Variants in LIN7C observed in about 807,000 individuals in gnomAD.
LIN7C encodes the protein lin-7 cell polarity scaffold C, also known as protein lin-7 homolog C.
LIN7C carries 17 observed loss-of-function variants against 24.7 expected under a neutral mutation model. The ratio of observed to expected loss-of-function variants is 0.69; its 90% CI spans 0.47 to 1.03. The LOEUF (loss-of-function observed/expected upper bound fraction) is 1.03. Ranked by LOEUF, LIN7C falls within the 50% of genes least tolerant of loss-of-function variation. The pLI is 0.00. For synonymous variants in LIN7C, 90 were observed against 83.4 expected, an observed-to-expected ratio of 1.08 and a Z score of -0.43; for missense variants, 204 against 239.0, an observed-to-expected ratio of 0.85 and a Z score of 0.97.
chr11:27,502,020 A>G, intron 1 of LIN7C, 100 bp from the exon 2 acceptor site: 2 of 707,922 alleles, frequency 2.8e-6, no homozygotes, highest in Non-Finnish European at 4.9e-6. Flanking sequence ...GGCAAATAAT[A>G]TACAGACAAT....
chr11:27,503,820 A>G (rs992699895), intron 1 of LIN7C, among the ~76,000 whole-genome samples: 3 of 148,972 alleles, frequency 2.0e-5, no homozygotes, highest in African/African-American at 7.5e-5. Context: ...CAGAAAGATT[A>G]TTTATTTATT....
At chr11:27,499,273 A>G (rs1424424689) in intron 4 of LIN7C, 86 bp downstream of exon 4, 7 of 1,094,860 alleles carry the variant, frequency 6.4e-6, no homozygotes, top group Non-Finnish European at 8.1e-6. Flanking sequence ...CTAAACCACA[A>G]GTTTCTTAGG....
At chr11:27,503,430 G>A (rs1299337642) in intron 1 of LIN7C, among the ~76,000 whole-genome samples, 1 of 152,160 alleles carries the variant, frequency 6.6e-6, no homozygotes, top group African/African-American at 2.4e-5. Context: ...TACACTCAAG[G>A]ACTGGAAATT....
chr11:27,498,909 G>T, intron 4 of LIN7C, 105 bp from the exon 5 acceptor site: 2 of 944,130 alleles, frequency 2.1e-6, no homozygotes, highest in Non-Finnish European at 3.2e-6. Flanking sequence ...AAGTTTTAAT[G>T]TTATATTATT....
intron 1 of LIN7C, among the ~76,000 whole-genome samples, chr11:27,504,084 C>T (rs1308108429): frequency 6.6e-6 from 1 of 152,168 alleles, no homozygotes; most frequent in Non-Finnish European, 1.5e-5. Flanking sequence ...TCCCAAAGTG[C>T]TGGGATTACA....
chr11:27,501,518 C>T lies in LIN7C; in HGVS notation c.205G>A (p.Val69Met), dbSNP rs1865226064. ...ETVDISSSPE[V>M]RANATAKATV... Reference sequence around the variant, plus strand: ...ACCTTTGCAGTAGCGTTCGCTCTCACTTCAGGACTGCTACTGATGTCCACA... The same window carrying T: ...ACCTTTGCAGTAGCGTTCGCTCTCATTTCAGGACTGCTACTGATGTCCACA... Residue 69 changes from valine to methionine, a missense_variant, in exon 3 of 5, where the codon GTG becomes ATG. Physicochemically the swap from Val to Met is conservative, Grantham distance 21. Coordinates refer to ENST00000278193, the MANE Select transcript of LIN7C (RefSeq NM_018362.4). The T allele has an allele frequency of 1.9e-6, 3 of 1,593,880 alleles. No homozygotes were observed. Among genetic ancestry groups the T allele is most frequent in the Non-Finnish European group, 1.7e-6 (2 of 1,173,078 alleles).
chr11:27,499,991 T>C (rs1030433857), intron 3 of LIN7C, among the ~76,000 whole-genome samples: 2 of 152,214 alleles, frequency 1.3e-5, no homozygotes, highest in Non-Finnish European at 2.9e-5. Context: ...GCTCACAAAT[T>C]CACTGGTGAT....
chr11:27,495,670 TA>T lies in LIN7C; in HGVS notation c.*2978del, dbSNP rs1865158768. On this transcript the variant is annotated 3_prime_UTR_variant, in exon 5 of 5. Transcript: ENST00000278193. ...AACAAACACGTATTTTTGTAAGTTT[TA>T]AAGGCAAAGGGGGCAGAATGATGAC... 1 of 151,138 alleles carries T rather than the reference TA, an allele frequency of 6.6e-6. No individual in the cohort carries two copies. Among genetic ancestry groups the T allele is most frequent in the Admixed American group, 6.6e-5 (1 of 15,132 alleles). 9.4% of individuals were successfully genotyped at this position (151,138 alleles called of 1,614,324 possible).
rs1276734574 is a variant in LIN7C, at chr11:27,498,515, T to C, written c.*134A>G. 1.3e-5 allele frequency: 11 copies of C among 852,514 alleles called. 1 individual carries two copies. In the South Asian group the frequency reaches 1.5e-4, roughly 11 times the overall value. 52.8% of individuals were successfully genotyped at this position (852,514 alleles called of 1,614,324 possible). A position where few individuals can be genotyped will look rare whatever the true frequency, so the allele number is the denominator to read the frequency against. On this transcript the variant is annotated 3_prime_UTR_variant, in exon 5 of 5. Transcript: ENST00000278193. ...CATAAATGATGTTAAAATAGGCATT[T>C]ATAAAATGACAAGGAGAATTTCATG...
At chr11:27,500,229 G>C (rs769866810) in intron 3 of LIN7C, among the ~76,000 whole-genome samples, 2 of 152,118 alleles carry the variant, frequency 1.3e-5, no homozygotes, top group Non-Finnish European at 2.9e-5. Flanking sequence ...CAGCATGCTA[G>C]CAGCCCTGGG....
At chr11:27,499,258 C>A (rs1276202632) in intron 4 of LIN7C, 101 bp downstream of exon 4, 2 of 894,264 alleles carry the variant, frequency 2.2e-6, no homozygotes, top group African/African-American at 1.7e-5. Context: ...TCCCTCAAGG[C>A]ATTTCTAAAC....
rs755783485 is a variant in LIN7C at position 27,501,869 on chromosome 11, A to C, written c.89T>G (p.Val30Gly). The change falls in exon 2 of 5, where the codon GTA (valine) becomes GGA (glycine). Residue 30 changes from valine (V) to glycine (G), a missense_variant. Val to Gly is a moderately radical substitution (Grantham distance 109, BLOSUM62 -3). Transcript: ENST00000278193. ...LLEKLQRSGE[V>G]PPQKLQALQR... ...CAAAGCCTGAAGTTTCTGTGGTGGTACTTCTCCACTCCTTTGTAGTTTTTC... is the reference window on the plus strand; with the variant it reads ...CAAAGCCTGAAGTTTCTGTGGTGGTCCTTCTCCACTCCTTTGTAGTTTTTC... 10 of 1,612,726 alleles carry C rather than the reference A, an allele frequency of 6.2e-6. No homozygotes were observed. The highest frequency in any genetic ancestry group is 6.8e-6 in the Non-Finnish European group (8 of 1,178,846).
intron 3 of LIN7C, 36 bp downstream of exon 3, chr11:27,501,459 G>A (rs1475529464): frequency 7.8e-7 from 1 of 1,287,394 alleles, no homozygotes; most frequent in Non-Finnish European, 1.1e-6. Flanking sequence ...TCTAATTTAT[G>A]AAGAATTCTT....
chr11:27,499,779 C>T (rs538329825), intron 3 of LIN7C, among the ~76,000 whole-genome samples: 34 of 151,880 alleles, frequency 2.2e-4, no homozygotes, highest in African/African-American at 8.0e-4. Flanking sequence ...CCTGCCACCA[C>T]GCCCGGCTAA....
At position 27,498,441 on chromosome 11, in the gene LIN7C, T is replaced by C; in HGVS notation, c.*208A>G. 1 of 493,352 alleles carries C rather than the reference T, an allele frequency of 2.0e-6. No homozygotes were observed. The highest frequency in any genetic ancestry group is 3.3e-5 in the East Asian group (1 of 29,972). 30.6% of individuals were successfully genotyped at this position (493,352 alleles called of 1,614,324 possible). A position where few individuals can be genotyped will look rare whatever the true frequency, so the allele number is the denominator to read the frequency against. On this transcript the variant is annotated 3_prime_UTR_variant, in exon 5 of 5. Transcript: ENST00000278193. ...AAACAGTAGGACAGAATTGCCCTCA[T>C]CACCTTTTACTTTTTCTTGTCAGAA...
At chr11:27,501,749 T>C (rs903792260) in intron 2 of LIN7C, 53 bp downstream of exon 2, 4 of 1,144,286 alleles carry the variant, frequency 3.5e-6, no homozygotes, top group Non-Finnish European at 5.2e-6. Flanking sequence ...ATTTAGAGTA[T>C]TATCTGACCT....
In LIN7C at chr11:27,494,593, T is replaced by C. The variant is rs1865144983; in HGVS notation, c.*4056A>G. The C allele has an allele frequency of 6.6e-6, 1 of 152,220 alleles. No individual in the cohort carries two copies. The highest frequency in any genetic ancestry group is 1.5e-5 in the Non-Finnish European group (1 of 68,036). The allele number at this position is 152,220 out of a possible 1,614,324, so 9.4% of individuals were successfully genotyped here. The stretch of plus-strand genomic sequence containing the variant: ...CGAGGACATAACTCATACAAATTTA[T>C]TTTAAATAAGCCTTAAAATCAGAAT... On this transcript the variant is annotated 3_prime_UTR_variant, in exon 5 of 5. Coordinates refer to ENST00000278193, the MANE Select transcript of LIN7C (RefSeq NM_018362.4).
intron 1 of LIN7C, among the ~76,000 whole-genome samples, chr11:27,504,582 G>A (rs1406739672): frequency 1.3e-5 from 2 of 152,156 alleles, no homozygotes; most frequent in Admixed American, 1.3e-4. Context: ...GCAACCACTA[G>A]TACAGCTGTC....
rs1865189190 is a variant in LIN7C, at chr11:27,498,236, T to TA, written c.*412dup. ...AAGAAATTTCACAGGTTAAAAAAAA[T>TA]AGAGTAAGCAAAAAAAAAGAATTGG... On this transcript the variant is annotated 3_prime_UTR_variant, in exon 5 of 5. Coordinates refer to ENST00000278193, the MANE Select transcript of LIN7C (RefSeq NM_018362.4). 2.6e-5 allele frequency: 4 copies of TA among 153,280 alleles called. No individual in the cohort carries two copies. Among genetic ancestry groups the TA allele is most frequent in the African/African-American group, 9.7e-5 (4 of 41,288 alleles). The allele number at this position is 153,280 out of a possible 1,614,324, so 9.5% of individuals were successfully genotyped here.
Sources: gnomAD v4.1 joint callset for allele counts (sites outside exome capture counted in the v4.1 genomes callset) on GRCh38, gnomAD v4.1.1 for gene constraint, MANE v1.5 for transcripts, NCBI Gene and HGNC (gene_info 2026-07-23, HGNC 2026-07-21) for gene names.